Variants in PATJ observed in about 807,000 individuals in gnomAD.
PATJ encodes inaD-like protein.
Under a neutral mutation model 224.9 loss-of-function variants are expected in PATJ, and 190 were observed. That is an observed-to-expected ratio of 0.84 (90% confidence interval 0.75 to 0.95). The LOEUF is 0.95. PATJ is among the 40% of genes least tolerant of loss of function. The pLI is 0.00. For missense variants in PATJ, 2,121 were observed against 2,270.3 expected, an observed-to-expected ratio of 0.93 and a Z score of 1.34; for synonymous variants, 769 against 820.3, an observed-to-expected ratio of 0.94 and a Z score of 1.07.
rs1389072749 is a variant in PATJ at position 62,029,605 on chromosome 1, T to A, written c.3960-8372T>A. Among the ~76,000 whole-genome samples, 5 of 152,322 alleles carry A rather than the reference T, an allele frequency of 3.3e-5. No homozygotes were observed. The East Asian group carries it at 9.6e-4, about 29-fold the overall frequency. On this transcript the variant is annotated intron_variant, in intron 29 of 43. Coordinates refer to ENST00000642238, the MANE Select transcript of PATJ (RefSeq NM_001350145.3). The stretch of plus-strand genomic sequence containing the variant: ...AACAAAGTGCTGTATATGACATATA[T>A]GTGCATCCAAAAATACAGTGAAATA...
chr1:62,092,381 TA>T (rs760187721), intron 33 of PATJ, among the ~76,000 whole-genome samples: 184 of 145,124 alleles, frequency 1.3e-3, no homozygotes, highest in Non-Finnish European at 1.3e-3. Flanking sequence ...CCTTGCCTGT[TA>T]AAAAAAAAAA....
chr1:61,928,661 T>C (rs548411718), intron 27 of PATJ, among the ~76,000 whole-genome samples: 1 of 152,212 alleles, frequency 6.6e-6, no homozygotes, highest in South Asian at 2.1e-4. Context: ...ACCTACTTCA[T>C]AGGGTTGTAA....
At chr1:62,087,458 T>C (rs1464982646) in intron 33 of PATJ, among the ~76,000 whole-genome samples, 1 of 151,734 alleles carries the variant, frequency 6.6e-6, no homozygotes, top group Admixed American at 6.6e-5. Context: ...AAAGAACCAA[T>C]CAGGAGACAG....
chr1:61,878,794 T>C (rs1276968996), intron 21 of PATJ, among the ~76,000 whole-genome samples: 1 of 152,166 alleles, frequency 6.6e-6, no homozygotes, highest in Non-Finnish European at 1.5e-5. Flanking sequence ...TGGATTTTTT[T>C]TTTTTTTGAG....
intron 20 of PATJ, among the ~76,000 whole-genome samples, chr1:61,869,445 CA>C (rs1334878183): frequency 6.6e-6 from 1 of 152,106 alleles, no homozygotes; most frequent in Admixed American, 6.5e-5. Flanking sequence ...TGCCATTCCT[CA>C]AGAGGGCATT....
chr1:62,149,322 T>C (rs1405756008), intron 42 of PATJ, among the ~76,000 whole-genome samples: 1 of 152,088 alleles, frequency 6.6e-6, no homozygotes, highest in Non-Finnish European at 1.5e-5. Context: ...CTAAAGCTAT[T>C]CCTCTCAGGT....
At chr1:61,856,408 A>T (rs1433407648) in intron 18 of PATJ, among the ~76,000 whole-genome samples, 169 bp downstream of exon 18, 2 of 152,146 alleles carry the variant, frequency 1.3e-5, no homozygotes, top group Non-Finnish European at 2.9e-5. Context: ...AGAAAAAATA[A>T]TGTCTACCTC....
intron 43 of PATJ, among the ~76,000 whole-genome samples, chr1:62,158,382 C>T (rs1669459981): frequency 6.7e-6 from 1 of 148,666 alleles, no homozygotes; most frequent in South Asian, 2.3e-4. Context: ...CCTGTAATCC[C>T]AGCACTTTGG....
chr1:61,870,478 A>G (rs957701125), intron 20 of PATJ, among the ~76,000 whole-genome samples: 9 of 152,024 alleles, frequency 5.9e-5, no homozygotes, highest in African/African-American at 1.9e-4. Context: ...GAGCAGGAAA[A>G]CAGTTTGGGC....
intron 35 of PATJ, among the ~76,000 whole-genome samples, chr1:62,115,645 G>A (rs1664376303): frequency 6.8e-6 from 1 of 147,080 alleles, no homozygotes; most frequent in Non-Finnish European, 1.5e-5. Flanking sequence ...ATCCCAACAG[G>A]GCTATAGGAT....
chr1:62,021,454 G>A (rs1477192050), intron 29 of PATJ, among the ~76,000 whole-genome samples: 2 of 152,160 alleles, frequency 1.3e-5, no homozygotes, highest in African/African-American at 2.4e-5. Flanking sequence ...ATTACAGTGT[G>A]TGGCATATAA....
Position 61,894,951 on chromosome 1 carries a change from G to C in PATJ, c.3132-4632G>C, listed in dbSNP as rs537574142. Among the ~76,000 whole-genome samples, 290 of 79,570 alleles carry C rather than the reference G, an allele frequency of 3.6e-3. 1 individual carries two copies. Among genetic ancestry groups the C allele is most frequent in the Non-Finnish European group, 9.2e-3 (208 of 22,642 alleles). 52.2% of individuals were successfully genotyped at this position (79,570 alleles called of 152,430 possible). ...CTGAGTTGGTCTCAGATGGAGATGAGGAATTTATTGGGAAGTGGAGCAAAG... is the reference window on the plus strand; with the variant it reads ...CTGAGTTGGTCTCAGATGGAGATGACGAATTTATTGGGAAGTGGAGCAAAG... On this transcript the variant is annotated intron_variant, in intron 22 of 43. Transcript: ENST00000642238.
intron 41 of PATJ, among the ~76,000 whole-genome samples, chr1:62,139,576 A>T (rs1002179968): frequency 2.0e-5 from 3 of 151,940 alleles, no homozygotes; most frequent in African/African-American, 7.3e-5. Context: ...CATATCTCAG[A>T]GTTGAACTTA....
At chr1:62,045,914 G>T (rs1390538977) in intron 30 of PATJ, among the ~76,000 whole-genome samples, 1 of 152,094 alleles carries the variant, frequency 6.6e-6, no homozygotes, top group Non-Finnish European at 1.5e-5. Context: ...AATCCACATT[G>T]TTGTGGCCAG....
In PATJ at chr1:62,086,228, A is replaced by ATGTGTGTGTGTGTGTGTG. The variant is rs145837024; in HGVS notation, c.4377+1595_4377+1596insGTGTGTGTGTGTGTGTGT. Among the ~76,000 whole-genome samples the ATGTGTGTGTGTGTGTGTG allele has an allele frequency of 2.9e-3, 435 of 150,332 alleles. 2 individuals are homozygous for ATGTGTGTGTGTGTGTGTG. The highest frequency in any genetic ancestry group is 0.01 in the African/African-American group (406 of 40,310). On this transcript the variant is annotated intron_variant, in intron 33 of 43. Coordinates refer to ENST00000642238, the MANE Select transcript of PATJ (RefSeq NM_001350145.3). This position sits in a 1 kb window ranked among gnomAD's most constrained non-coding sequence, Gnocchi z 4.0. ...TACTCAAGATGTGATTAATTAATGC[A>ATGTGTGTGTGTGTGTGTG]TGTGTGTGTGTGTGTATGTGTGTGT...
chr1:61,990,844 C>A (rs189200116), intron 28 of PATJ, among the ~76,000 whole-genome samples: 1 of 152,038 alleles, frequency 6.6e-6, no homozygotes, highest in Non-Finnish European at 1.5e-5. Context: ...ATGGGTAAGG[C>A]TACATAGGTT....
intron 27 of PATJ, among the ~76,000 whole-genome samples, chr1:61,954,969 G>A (rs1359502102): frequency 1.3e-5 from 2 of 151,928 alleles, no homozygotes; most frequent in African/African-American, 4.8e-5. Context: ...TAGCCAGGAT[G>A]GTCTCAATCT....
intron 26 of PATJ, among the ~76,000 whole-genome samples, chr1:61,917,721 G>A (rs754679067): frequency 5.3e-5 from 8 of 152,032 alleles, no homozygotes; most frequent in African/African-American, 1.9e-4. Context: ...ATCGGTAGGA[G>A]CATGTGTTCT....
intron 27 of PATJ, among the ~76,000 whole-genome samples, chr1:61,948,356 C>T (rs1397185975): frequency 1.3e-5 from 2 of 152,124 alleles, no homozygotes; most frequent in African/African-American, 2.4e-5. Context: ...TGAACTCAAA[C>T]AAATTTACAA....
Sources: gnomAD v4.1 joint callset for allele counts (sites outside exome capture counted in the v4.1 genomes callset) on GRCh38, gnomAD v4.1.1 for gene constraint, Gnocchi (gnomAD v3.1) non-coding constraint, MANE v1.5 for transcripts, NCBI Gene and HGNC (gene_info 2026-07-23, HGNC 2026-07-21) for gene names.